The following CEMIP variants were observed in gnomAD, a reference collection of about 807,000 sequenced individuals.
CEMIP encodes cell migration inducing hyaluronidase 1.
In CEMIP, 105 loss-of-function variants were observed where a neutral mutation model predicts 156.9. The ratio of observed to expected loss-of-function variants is 0.67; its 90% CI spans 0.57 to 0.79. CEMIP has a LOEUF of 0.79. CEMIP is among the 30% of genes least tolerant of loss of function. The pLI is 0.00. For synonymous variants in CEMIP, 676 were observed against 668.4 expected, an observed-to-expected ratio of 1.01 and a Z score of -0.17; for missense variants, 1,457 against 1,769.4, an observed-to-expected ratio of 0.82 and a Z score of 3.17.
At chr15:80,900,585 G>GGTGTGTGTGTGTGTGTGTGTGTGT (rs57724852) in intron 12 of CEMIP, among the ~76,000 whole-genome samples, 28 of 74,958 alleles carry the variant, frequency 3.7e-4, no homozygotes, top group East Asian at 5.4e-4. Flanking sequence ...CCCAGGTAGG[G>GGTGTGTGTGTGTGTGTGTGTGTGT]GTGTGTGTGT....
At chr15:80,900,837 C>T in intron 12 of CEMIP, 2 of 421,170 alleles carry the variant, frequency 4.7e-6, no homozygotes, top group South Asian at 3.4e-5. Flanking sequence ...CACCTAGGGA[C>T]ACAGCTATCT....
At position 80,791,679 on chromosome 15, in the gene CEMIP, G is replaced by A. The variant is rs555829765; in HGVS notation, c.-176+12065G>A. 1.2e-4 allele frequency among the ~76,000 whole-genome samples: 18 copies of A among 152,296 alleles called. No individual in the cohort carries two copies. In the East Asian group the frequency reaches 1.9e-3, roughly 16 times the overall value. ...GTTTGCTGTATGCAGTCTCAGGGCTGGGGTGAGGAGGGTTTATCCTGTGGC... is the reference window on the plus strand; with the variant it reads ...GTTTGCTGTATGCAGTCTCAGGGCTAGGGTGAGGAGGGTTTATCCTGTGGC... On this transcript the variant is annotated intron_variant, in intron 1 of 29. Coordinates refer to ENST00000394685, the MANE Select transcript of CEMIP (RefSeq NM_001293298.2).
chr15:80,882,517 A>C (rs1025362044), intron 6 of CEMIP, among the ~76,000 whole-genome samples: 2 of 152,208 alleles, frequency 1.3e-5, no homozygotes, highest in Non-Finnish European at 2.9e-5. Context: ...GTCCTCTTCA[A>C]TTGTGTGCTG....
intron 1 of CEMIP, among the ~76,000 whole-genome samples, chr15:80,839,345 T>C (rs1216763817): frequency 6.8e-6 from 1 of 146,324 alleles, no homozygotes; most frequent in African/African-American, 2.5e-5. Context: ...ATTTGTGGCT[T>C]CAACAGAGGC....
intron 1 of CEMIP, among the ~76,000 whole-genome samples, chr15:80,835,237 A>G (rs1020417309): frequency 5.9e-5 from 9 of 152,150 alleles, no homozygotes; most frequent in Non-Finnish European, 1.0e-4. Context: ...GGCCCTATGA[A>G]GCTACTCCAA....
At chr15:80,786,222 T>C (rs1049955603) in intron 1 of CEMIP, among the ~76,000 whole-genome samples, 9 of 152,106 alleles carry the variant, frequency 5.9e-5, no homozygotes. Context: ...TTTATTGTGG[T>C]TTGTGTTGCT....
At chr15:80,930,231 T>G (rs1425279253) in intron 21 of CEMIP, among the ~76,000 whole-genome samples, 4 of 152,268 alleles carry the variant, frequency 2.6e-5, no homozygotes, top group Non-Finnish European at 5.9e-5. Context: ...ATGGTCTCCT[T>G]CAGCATGAGC....
intron 1 of CEMIP, among the ~76,000 whole-genome samples, chr15:80,851,083 G>A (rs376039848): frequency 2.8e-4 from 42 of 152,290 alleles, no homozygotes; most frequent in African/African-American, 8.2e-4. Context: ...TCAGGCATTC[G>A]CCTGTGGACC....
intron 1 of CEMIP, among the ~76,000 whole-genome samples, chr15:80,786,608 T>G (rs956651842): frequency 2.9e-5 from 4 of 140,014 alleles, no homozygotes; most frequent in African/African-American, 1.1e-4. Context: ...ATCAACAATT[T>G]TCAGTGAAAA....
chr15:80,913,383 C>T (rs1900140677), intron 14 of CEMIP, among the ~76,000 whole-genome samples: 1 of 152,248 alleles, frequency 6.6e-6, no homozygotes, highest in Non-Finnish European at 1.5e-5. Context: ...CCAAGCTCAG[C>T]AAACCCACTG....
intron 17 of CEMIP, among the ~76,000 whole-genome samples, chr15:80,923,632 A>C (rs1372379677): frequency 2.0e-5 from 3 of 152,064 alleles, no homozygotes; most frequent in Non-Finnish European, 4.4e-5. Context: ...AGTGAAGAAG[A>C]ACCTCCAGCT....
Position 80,832,319 on chromosome 15 carries a change from A to ACTCTCT in CEMIP, c.-175-41215_-175-41214insCTCTCT, listed in dbSNP as rs201468853. ...TTTCTGGAGCTTTGGTTTAAAATAA[A>ACTCTCT]CTCTGTGTGTGTGTGTGTGTGTGTG... On this transcript the variant is annotated intron_variant, in intron 1 of 29. Coordinates refer to ENST00000394685, the MANE Select transcript of CEMIP (RefSeq NM_001293298.2). Among the ~76,000 whole-genome samples, 63 of 19,382 alleles carry ACTCTCT rather than the reference A, an allele frequency of 3.3e-3. 3 individuals carry two copies. Among genetic ancestry groups the ACTCTCT allele is most frequent in the Admixed American group, 3.2e-3 (7 of 2,188 alleles). The allele number at this position is 19,382 out of a possible 152,430, so 12.7% of individuals were successfully genotyped here.
intron 1 of CEMIP, among the ~76,000 whole-genome samples, chr15:80,794,901 A>G (rs1896177813): frequency 1.3e-5 from 2 of 152,196 alleles, no homozygotes; most frequent in African/African-American, 4.8e-5. Context: ...GGCTGGTGGA[A>G]GTAGAAGTGG....
At chr15:80,832,556 C>A (rs1472020913) in intron 1 of CEMIP, among the ~76,000 whole-genome samples, 2 of 152,070 alleles carry the variant, frequency 1.3e-5, no homozygotes, top group Non-Finnish European at 2.9e-5. Context: ...GGGGGTCTCA[C>A]TGAGACACTC....
At position 80,857,098 on chromosome 15, in the gene CEMIP, A is replaced by C. The variant is rs138352577; in HGVS notation, c.-175-16440A>C. 5.3e-3 allele frequency among the ~76,000 whole-genome samples: 802 copies of C among 152,340 alleles called. 11 individuals are homozygous for C. Among genetic ancestry groups the C allele is most frequent in the African/African-American group, 0.015 (609 of 41,576 alleles). Reference sequence around the variant, plus strand: ...TCTGGCCCAAACTTGAACTAAAATCAAGCGTGCTCTTTCGACTCCACTCTG... The same window carrying C: ...TCTGGCCCAAACTTGAACTAAAATCCAGCGTGCTCTTTCGACTCCACTCTG... On this transcript the variant is annotated intron_variant, in intron 1 of 29. Coordinates refer to ENST00000394685, the MANE Select transcript of CEMIP (RefSeq NM_001293298.2).
intron 21 of CEMIP, 90 bp downstream of exon 21, chr15:80,929,264 C>T (rs1900814194): frequency 6.8e-7 from 1 of 1,466,546 alleles, no homozygotes; most frequent in African/African-American, 1.4e-5. Context: ...TAGTTTCTAC[C>T]TGTTGACTAT....
rs201209391 is a variant in CEMIP at position 80,884,371 on chromosome 15, C to T, written c.797+17C>T. ...TGGATTTAGGTACTGCCCCTCACTTCGGCTTCCACTGGGCTCTGGAACATT... is the reference window on the plus strand; with the variant it reads ...TGGATTTAGGTACTGCCCCTCACTTTGGCTTCCACTGGGCTCTGGAACATT... On this transcript the variant is annotated intron_variant, in intron 7 of 29. Coordinates refer to ENST00000394685, the MANE Select transcript of CEMIP (RefSeq NM_001293298.2). The T allele has an allele frequency of 1.1e-4, 178 of 1,613,514 alleles. No individual in the cohort carries two copies. Among genetic ancestry groups the T allele is most frequent in the African/African-American group, 1.0e-3 (75 of 75,052 alleles).
At position 80,888,685 on chromosome 15, in the gene CEMIP, C is replaced by T. The variant is rs769899499; in HGVS notation, c.869-16C>T. 2.4e-5 allele frequency: 39 copies of T among 1,613,096 alleles called. No homozygotes were observed. The highest frequency in any genetic ancestry group is 3.2e-5 in the Non-Finnish European group (38 of 1,179,068). ...GGGGTCTGTCCAGCTCCTAAAGGGT[C>T]TCGTTTCTCTGACAGGACATCGAGG... On this transcript the variant is annotated splice_polypyrimidine_tract_variant and intron_variant, in intron 8 of 29. Transcript: ENST00000394685.
intron 28 of CEMIP, 101 bp downstream of exon 28, chr15:80,943,203 G>A (rs1438216103): frequency 1.5e-6 from 2 of 1,336,324 alleles, no homozygotes; most frequent in Non-Finnish European, 2.2e-6. Flanking sequence ...AGATCAGTCT[G>A]GAAAAGCTCA....
Sources: gnomAD v4.1 joint callset for allele counts (sites outside exome capture counted in the v4.1 genomes callset) on GRCh38, gnomAD v4.1.1 for gene constraint, MANE v1.5 for transcripts, NCBI Gene and HGNC (gene_info 2026-07-23, HGNC 2026-07-21) for gene names.